Variants in CLASP2 observed in about 807,000 individuals in gnomAD.
The protein encoded by CLASP2 is CLIP-associating protein 2.
A neutral mutation model predicts 194.4 loss-of-function variants in CLASP2; 47 were observed. The ratio of observed to expected loss-of-function variants is 0.24; its 90% CI spans 0.19 to 0.31. CLASP2 has a LOEUF of 0.31. CLASP2 is among the 10% of genes least tolerant of loss of function. The pLI is 1.00. For missense variants in CLASP2, 1,445 were observed against 1,823.6 expected, an observed-to-expected ratio of 0.79 and a Z score of 3.78; for synonymous variants, 619 against 633.5, an observed-to-expected ratio of 0.98 and a Z score of 0.34.
intron 7 of CLASP2, among the ~76,000 whole-genome samples, chr3:33,654,760 T>C (rs1374036367): frequency 6.6e-6 from 1 of 152,164 alleles, no homozygotes; most frequent in Non-Finnish European, 1.5e-5. Context: ...AATATTCACA[T>C]GCAGATGCAG....
intron 1 of CLASP2, among the ~76,000 whole-genome samples, chr3:33,700,564 G>A (rs1236242517): frequency 6.7e-6 from 1 of 149,982 alleles, no homozygotes; most frequent in Admixed American, 6.7e-5. Flanking sequence ...ATCAATTGTG[G>A]GCCAGGTGCG....
chr3:33,661,102 A>G (rs2085240213), intron 7 of CLASP2, among the ~76,000 whole-genome samples: 1 of 152,212 alleles, frequency 6.6e-6, no homozygotes, highest in Non-Finnish European at 1.5e-5. Context: ...TCTCATTAAC[A>G]CTGGTGAAAA....
intron 34 of CLASP2, among the ~76,000 whole-genome samples, chr3:33,527,239 A>T (rs1478890393): frequency 2.0e-5 from 3 of 152,208 alleles, no homozygotes; most frequent in Admixed American, 6.5e-5. Context: ...CTAACAAAGA[A>T]GGAGAGAAGA....
intron 38 of CLASP2, among the ~76,000 whole-genome samples, chr3:33,499,600 C>T (rs1387200707): frequency 3.3e-5 from 5 of 151,934 alleles, no homozygotes; most frequent in East Asian, 1.9e-4. Flanking sequence ...CCACCCACCT[C>T]GGCATCCCAA....
chr3:33,549,995 C>T (rs1422215832), intron 30 of CLASP2, among the ~76,000 whole-genome samples: 2 of 152,120 alleles, frequency 1.3e-5, no homozygotes, highest in African/African-American at 4.8e-5. Flanking sequence ...CCTCAGCCTA[C>T]CATGTTGAGA....
chr3:33,577,309 C>G, intron 23 of CLASP2: 1 of 1,490,720 alleles, frequency 6.7e-7, no homozygotes, highest in South Asian at 1.1e-5. Flanking sequence ...ACCACAGAAA[C>G]AAGGAATAGT....
chr3:33,551,204 C>A, intron 30 of CLASP2, 48 bp downstream of exon 30: 3 of 1,531,940 alleles, frequency 2.0e-6, no homozygotes, highest in Non-Finnish European at 2.7e-6. Context: ...TCCATAATAA[C>A]TGACTTGCTT....
At chr3:33,571,613 C>T (rs1018563738) in intron 25 of CLASP2, among the ~76,000 whole-genome samples, 17 of 149,862 alleles carry the variant, frequency 1.1e-4, no homozygotes, top group African/African-American at 2.7e-4. Flanking sequence ...CCAGCCTGGG[C>T]GACAGGGTTA....
At chr3:33,650,734 A>G (rs141818265) in intron 7 of CLASP2, among the ~76,000 whole-genome samples, 97 of 152,244 alleles carry the variant, frequency 6.4e-4, no homozygotes, top group African/African-American at 2.3e-3. Flanking sequence ...GATAAAAGGA[A>G]AAAGAGGAGG....
intron 34 of CLASP2, among the ~76,000 whole-genome samples, chr3:33,525,912 A>T (rs1035458647): frequency 6.6e-6 from 1 of 152,108 alleles, no homozygotes; most frequent in African/African-American, 2.4e-5. Flanking sequence ...GCACCTCCCT[A>T]AGAAGGAGCT....
chr3:33,690,827 G>C (rs1351191967), intron 2 of CLASP2, among the ~76,000 whole-genome samples: 7 of 152,136 alleles, frequency 4.6e-5, no homozygotes, highest in Non-Finnish European at 1.0e-4. Context: ...CTTAGTAGCT[G>C]TTTTGGTTAT....
chr3:33,520,858 C>T (rs1410858741), intron 34 of CLASP2, among the ~76,000 whole-genome samples: 1 of 151,196 alleles, frequency 6.6e-6, no homozygotes, highest in Non-Finnish European at 1.5e-5. Context: ...CACACACACA[C>T]ACACACTCCC....
At chr3:33,690,146 A>C (rs942432704) in intron 2 of CLASP2, among the ~76,000 whole-genome samples, 25 of 152,206 alleles carry the variant, frequency 1.6e-4, no homozygotes, top group Non-Finnish European at 3.2e-4. Flanking sequence ...TAATAATGTT[A>C]AAAAAACAGC....
intron 1 of CLASP2, among the ~76,000 whole-genome samples, chr3:33,706,337 TAG>T (rs1418223854): frequency 1.3e-5 from 2 of 152,164 alleles, no homozygotes; most frequent in South Asian, 2.1e-4. Flanking sequence ...AGAAAGAAAC[TAG>T]AGTTATTTGA....
At chr3:33,543,945 T>C (rs575782580) in intron 31 of CLASP2, among the ~76,000 whole-genome samples, 1 of 152,322 alleles carries the variant, frequency 6.6e-6, no homozygotes, top group African/African-American at 2.4e-5. Context: ...ATTCTTAAGA[T>C]ATGATGAAAT....
At chr3:33,590,196 T>G (rs1350457218) in intron 21 of CLASP2, among the ~76,000 whole-genome samples, 3 of 152,172 alleles carry the variant, frequency 2.0e-5, no homozygotes, top group Non-Finnish European at 4.4e-5. Flanking sequence ...GCTACATCAT[T>G]TAATCCTCAC....
At chr3:33,579,500 T>C (rs1486593434) in intron 23 of CLASP2, among the ~76,000 whole-genome samples, 3 of 152,184 alleles carry the variant, frequency 2.0e-5, no homozygotes, top group Non-Finnish European at 4.4e-5. Flanking sequence ...TAAATGCAGG[T>C]GCCATTAAGA....
intron 24 of CLASP2, among the ~76,000 whole-genome samples, chr3:33,574,691 G>A (rs2064462837): frequency 6.6e-6 from 1 of 152,090 alleles, no homozygotes; most frequent in African/African-American, 2.4e-5. Flanking sequence ...AAGAGAAATA[G>A]TGATGCTACA....
chr3:33,660,390 T>C (rs2085104430), intron 7 of CLASP2, among the ~76,000 whole-genome samples: 1 of 152,194 alleles, frequency 6.6e-6, no homozygotes, highest in Admixed American at 6.5e-5. Flanking sequence ...ACTTTTACAA[T>C]ATAACAAGTT....
Sources: allele counts gnomAD v4.1 joint callset (sites outside exome capture counted in the v4.1 genomes callset), GRCh38; gene constraint gnomAD v4.1.1; transcripts MANE v1.5; gene names NCBI Gene and HGNC (gene_info 2026-07-23, HGNC 2026-07-21).